KLK2: variants seen among roughly 807,000 people sequenced by gnomAD.
KLK2 encodes the protein kallikrein-2.
A neutral mutation model predicts 23.0 loss-of-function variants in KLK2; 17 were observed. That is an observed-to-expected ratio of 0.74 (90% CI 0.51 to 1.11). The LOEUF (loss-of-function observed/expected upper bound fraction) is 1.11, where lower values mean the gene tolerates loss of function less well. KLK2 is among the 50% of genes least tolerant of loss of function. The probability of loss-of-function intolerance (pLI) is 0.00; values close to 1 mark genes in which losing one functional copy is unlikely to be tolerated. For synonymous variants in KLK2, 140 were observed against 124.7 expected (o/e 1.12, Z -0.82); for missense variants, 330 against 325.9 (o/e 1.01, Z -0.10).
chr19:50,875,154 CT>C, intron 2 of KLK2: 1 of 332,226 alleles, frequency 3.0e-6, no homozygotes, highest in Non-Finnish European at 5.3e-6. Context: ...GTCCCTCTCT[CT>C]TTTCTGTCTC....
At position 50,873,845 on chromosome 19, in the gene KLK2, G is replaced by A. The variant is rs556417502; in HGVS notation, c.46+326G>A. The A allele has an allele frequency of 4.8e-4, 172 of 355,544 alleles. No homozygotes were observed. The South Asian group carries it at 8.2e-3, about 17-fold the overall frequency. 22.0% of individuals were successfully genotyped at this position (355,544 alleles called of 1,614,324 possible). A position where few individuals can be genotyped will look rare whatever the true frequency, so the allele number is the denominator to read the frequency against. ...CCTCTCTCCATGCCACTGGTTCCTTGGACCCTATCACTGGGCTGCCTCCTG... is the reference window on the plus strand; with the variant it reads ...CCTCTCTCCATGCCACTGGTTCCTTAGACCCTATCACTGGGCTGCCTCCTG... On this transcript the variant is annotated intron_variant, in intron 1 of 4. Coordinates refer to ENST00000325321, the MANE Select transcript of KLK2 (RefSeq NM_005551.5).
rs753274832 is a variant in KLK2, at chr19:50,878,559, AGTGCCCCT to A, written c.*3_*10del. ...AGGACACCATCGCAGCCAACCCCTG[AGTGCCCCT>A]GTCCCACCCCTACCTCTAGTAAATT... On this transcript the variant is annotated 3_prime_UTR_variant, in exon 5 of 5. Transcript: ENST00000325321. 1.2e-6 allele frequency: 2 copies of A among 1,612,682 alleles called. No individual in the cohort carries two copies. Among genetic ancestry groups the A allele is most frequent in the Non-Finnish European group, 1.7e-6 (2 of 1,178,970 alleles).
At chr19:50,873,588 C>G (rs754914185) in intron 1 of KLK2, 69 bp downstream of exon 1, 12 of 1,123,392 alleles carry the variant, frequency 1.1e-5, no homozygotes, top group Non-Finnish European at 1.6e-5. Flanking sequence ...TTCCTCCCAC[C>G]CAGTGCCCCA....
chr19:50,874,740 G>A lies in KLK2; in HGVS notation c.66G>A (p.Gln22=). The change falls in exon 2 of 5, where the codon CAG becomes CAA. Residue 22 remains glutamine, a synonymous_variant. Transcript: ENST00000325321. ...CCGCAGGTGCCGTGCCCCTCATCCA[G>A]TCTCGGATTGTGGGAGGCTGGGAGT... ...VGCTGAVPLI[Q]SRIVGGWECE... is the part of the protein sequence containing the mutation. The A allele has an allele frequency of 6.2e-7, 1 of 1,612,244 alleles. No individual in the cohort carries two copies. Among genetic ancestry groups the A allele is most frequent in the Non-Finnish European group, 8.5e-7 (1 of 1,179,490 alleles).
chr19:50,875,116 G>A (rs1262368379), intron 2 of KLK2: 1 of 664,140 alleles, frequency 1.5e-6, no homozygotes, highest in East Asian at 3.7e-5. Flanking sequence ...CTCTGGTTGT[G>A]TCTGTATGAC....
intron 2 of KLK2, 124 bp from the exon 3 acceptor site, chr19:50,876,348 C>T: frequency 1.2e-6 from 1 of 816,852 alleles, no homozygotes; most frequent in Non-Finnish European, 1.9e-6. Context: ...ACTATATCTC[C>T]CCGACCCCTG....
At chr19:50,874,660 G>T in intron 1 of KLK2, 61 bp from the exon 2 acceptor site, 21 of 1,509,372 alleles carry the variant, frequency 1.4e-5, no homozygotes, top group Non-Finnish European at 1.9e-5. Context: ...CCACAGCTCA[G>T]CTCCCTCCCC....
chr19:50,877,048 G>C (rs867877107), intron 4 of KLK2, 40 bp downstream of exon 4: 1 of 1,613,824 alleles, frequency 6.2e-7, no homozygotes, highest in Middle Eastern at 1.6e-4. Flanking sequence ...GGGGAAAGGT[G>C]AGTGAAGACC....
Position 50,879,237 on chromosome 19 carries a change from T to C in KLK2, c.*678T>C, listed in dbSNP as rs1344941429. On this transcript the variant is annotated 3_prime_UTR_variant, in exon 5 of 5. Transcript: ENST00000325321. ...TAAAGAGCTATCATGCTGTGGTTTA[T>C]TATGGTTTGTTACATTGATAGGATA... The C allele has an allele frequency of 8.6e-6, 2 of 232,780 alleles. No individual in the cohort carries two copies. The highest frequency in any genetic ancestry group is 1.7e-5 in the Non-Finnish European group (2 of 117,840). 14.4% of individuals were successfully genotyped at this position (232,780 alleles called of 1,614,324 possible). A position where few individuals can be genotyped will look rare whatever the true frequency, so the allele number is the denominator to read the frequency against.
chr19:50,878,829 G>A lies in KLK2; in HGVS notation c.*270G>A, dbSNP rs541371645. ...CACTGGCTGTCTCTGAAGACTTCTC[G>A]CTCAGTTTCAGTGAGGACACACACA... On this transcript the variant is annotated 3_prime_UTR_variant, in exon 5 of 5. Coordinates refer to ENST00000325321, the MANE Select transcript of KLK2 (RefSeq NM_005551.5). 16 of 374,684 alleles carry A rather than the reference G, an allele frequency of 4.3e-5. 1 individual carries two copies. The South Asian group carries it at 8.1e-4, about 19-fold the overall frequency. The allele number at this position is 374,684 out of a possible 1,614,324, so 23.2% of individuals were successfully genotyped here. A position where few individuals can be genotyped will look rare whatever the true frequency, so the allele number is the denominator to read the frequency against.
At chr19:50,877,195 T>C in intron 4 of KLK2, 187 bp downstream of exon 4, 1 of 678,826 alleles carries the variant, frequency 1.5e-6, no homozygotes. Flanking sequence ...AAGAGGTGAT[T>C]CTCACAGCAT....
At chr19:50,875,986 C>G (rs1233146295) in intron 2 of KLK2, 1 of 186,920 alleles carries the variant, frequency 5.3e-6, no homozygotes, top group Admixed American at 5.4e-5. Flanking sequence ...ACTCCACACT[C>G]CTCAGATGCC....
chr19:50,880,408 C>T lies in KLK2; in HGVS notation c.*1849C>T, dbSNP rs1205721173. The T allele has an allele frequency of 9.0e-6, 2 of 221,124 alleles. No homozygotes were observed. The highest frequency in any genetic ancestry group is 4.5e-5 in the African/African-American group (2 of 44,582). The allele number at this position is 221,124 out of a possible 1,614,324, so 13.7% of individuals were successfully genotyped here. A position where few individuals can be genotyped will look rare whatever the true frequency, so the allele number is the denominator to read the frequency against. ...CTGGCAGGTAGTGAAACTCATTAGGCTGAGAACCTTGTGGAATGCAGCTGA... is the reference window on the plus strand; with the variant it reads ...CTGGCAGGTAGTGAAACTCATTAGGTTGAGAACCTTGTGGAATGCAGCTGA... On this transcript the variant is annotated 3_prime_UTR_variant, in exon 5 of 5. Coordinates refer to ENST00000325321, the MANE Select transcript of KLK2 (RefSeq NM_005551.5).
rs566068251 is a variant in KLK2, at chr19:50,879,036, C to T, written c.*477C>T. Reference sequence around the variant, plus strand: ...CGCTGTAAACATAGCCCACGCTGTCCTGGGGGCACTGGGAAGCCTAGATAA... The same window carrying T: ...CGCTGTAAACATAGCCCACGCTGTCTTGGGGGCACTGGGAAGCCTAGATAA... On this transcript the variant is annotated 3_prime_UTR_variant, in exon 5 of 5. Transcript: ENST00000325321. 31 of 234,084 alleles carry T rather than the reference C, an allele frequency of 1.3e-4. No homozygotes were observed. The highest frequency in any genetic ancestry group is 5.9e-4 in the African/African-American group (27 of 45,468). The allele number at this position is 234,084 out of a possible 1,614,324, so 14.5% of individuals were successfully genotyped here.
At chr19:50,876,067 T>A (rs2090284076) in intron 2 of KLK2, 1 of 226,926 alleles carries the variant, frequency 4.4e-6, no homozygotes, top group South Asian at 6.7e-5. Context: ...TTTCTCCTTC[T>A]CTCTCTGACT....
At chr19:50,877,221 G>A (rs2123482716) in intron 4 of KLK2, 1 of 629,868 alleles carries the variant, frequency 1.6e-6, no homozygotes, top group African/African-American at 1.8e-5. Context: ...ACCCATTCCT[G>A]TGTTGAGCAC....
intron 2 of KLK2, chr19:50,876,221 G>T: frequency 1.8e-6 from 1 of 545,272 alleles, no homozygotes; most frequent in African/African-American, 1.9e-5. Context: ...TTCTGTTTTT[G>T]TCATTCCTCT....
intron 4 of KLK2, chr19:50,877,335 G>T (rs894607663): frequency 1.1e-4 from 46 of 407,228 alleles, no homozygotes; most frequent in Middle Eastern, 1.3e-3. Flanking sequence ...CCCCATGCTG[G>T]TGAGGGGCAC....
rs148558632 is a variant in KLK2 at position 50,874,766 on chromosome 19, G to A, written c.92G>A (p.Cys31Tyr). The change falls in exon 2 of 5, where the codon TGT becomes TAT. Residue 31 changes from cysteine to tyrosine, a missense_variant. Physicochemically the swap from Cys to Tyr is radical, Grantham distance 194 (BLOSUM62 -2). Transcript: ENST00000325321. ...IQSRIVGGWECEKHSQPWQVA... is the reference protein window; with the variant it reads ...IQSRIVGGWEYEKHSQPWQVA... ...TCTCGGATTGTGGGAGGCTGGGAGT[G>A]TGAGAAGCATTCCCAACCCTGGCAG... 671 of 1,613,324 alleles carry A rather than the reference G, an allele frequency of 4.2e-4. 3 individuals carry two copies. In the African/African-American group the frequency reaches 7.9e-3, roughly 19 times the overall value.
Sources: gnomAD v4.1 joint callset for allele counts on GRCh38, gnomAD v4.1.1 for gene constraint, MANE v1.5 for transcripts, NCBI Gene and HGNC (gene_info 2026-07-23, HGNC 2026-07-21) for gene names.